CCDC85A: variants seen among roughly 807,000 people sequenced by gnomAD.
CCDC85A encodes the protein coiled-coil domain-containing protein 85A.
A neutral mutation model predicts 50.2 loss-of-function variants in CCDC85A; 38 were observed. The observed-to-expected ratio is 0.76, with a 90% CI of 0.58 to 0.99. The LOEUF is 0.99. Ranked by LOEUF, CCDC85A falls within the 50% of genes least tolerant of loss-of-function variation. The pLI, the probability that CCDC85A is intolerant of heterozygous loss-of-function variation, is 0.00. For synonymous variants in CCDC85A, 366 were observed against 301.4 expected, an observed-to-expected ratio of 1.21 and a Z score of -2.22; for missense variants, 820 against 742.0, an observed-to-expected ratio of 1.11 and a Z score of -1.22.
chr2:56,248,161 T>C (rs1380667477), intron 2 of CCDC85A, among the ~76,000 whole-genome samples: 1 of 152,260 alleles, frequency 6.6e-6, no homozygotes, highest in Non-Finnish European at 1.5e-5. Flanking sequence ...TGATAAATGC[T>C]TCTGCTCTCT....
intron 3 of CCDC85A, among the ~76,000 whole-genome samples, chr2:56,350,234 T>C (rs1456812564): frequency 2.6e-5 from 4 of 151,614 alleles, no homozygotes; most frequent in Non-Finnish European, 4.4e-5. Context: ...TGGCACTACC[T>C]TGGCTCACTG....
At chr2:56,231,305 G>A (rs187451787) in intron 2 of CCDC85A, among the ~76,000 whole-genome samples, 4 of 152,234 alleles carry the variant, frequency 2.6e-5, no homozygotes, top group South Asian at 2.1e-4. Flanking sequence ...AAGGTGCTGC[G>A]GCCTTTTATA....
intron 2 of CCDC85A, among the ~76,000 whole-genome samples, chr2:56,342,586 G>A (rs1174121241): frequency 6.6e-6 from 1 of 152,090 alleles, no homozygotes; most frequent in Non-Finnish European, 1.5e-5. Context: ...TTATTGGTTT[G>A]TAAGAGTTCT....
intron 1 of CCDC85A, among the ~76,000 whole-genome samples, chr2:56,185,921 G>A (rs1359985684): frequency 6.6e-6 from 1 of 152,202 alleles, no homozygotes; most frequent in African/African-American, 2.4e-5. Context: ...AGGGACTTCA[G>A]GGAGCAAATT....
chr2:56,333,138 A>G (rs1673898335), intron 2 of CCDC85A, among the ~76,000 whole-genome samples: 1 of 152,204 alleles, frequency 6.6e-6, no homozygotes, highest in Non-Finnish European at 1.5e-5. Context: ...AAGGTGTTGA[A>G]GTCTTTTGAT....
In CCDC85A at chr2:56,184,245, G is replaced by A. The variant is rs1675890861; in HGVS notation, c.-380G>A. On this transcript the variant is annotated 5_prime_UTR_variant, in exon 1 of 6. Coordinates refer to ENST00000407595, the MANE Select transcript of CCDC85A (RefSeq NM_001080433.2). ...TGTGTGCAGGGCAGAGAGTGCGGGGGGCGACAGTCTCGGCTTAGGGCGGAG... is the reference window on the plus strand; with the variant it reads ...TGTGTGCAGGGCAGAGAGTGCGGGGAGCGACAGTCTCGGCTTAGGGCGGAG... 4 of 952,028 alleles carry A rather than the reference G, an allele frequency of 4.2e-6. No individual in the cohort carries two copies. Among genetic ancestry groups the A allele is most frequent in the African/African-American group, 1.7e-5 (1 of 57,328 alleles). The allele number at this position is 952,028 out of a possible 1,614,324, so 59.0% of individuals were successfully genotyped here. A position where few individuals can be genotyped will look rare whatever the true frequency, so the allele number is the denominator to read the frequency against.
At chr2:56,300,154 G>A (rs1021238493) in intron 2 of CCDC85A, among the ~76,000 whole-genome samples, 4 of 152,020 alleles carry the variant, frequency 2.6e-5, no homozygotes, top group African/African-American at 7.2e-5. Flanking sequence ...GGCCTGTTAG[G>A]TTATCAATGC....
chr2:56,301,308 A>T (rs1227204007), intron 2 of CCDC85A, among the ~76,000 whole-genome samples: 12 of 152,146 alleles, frequency 7.9e-5, no homozygotes, highest in Non-Finnish European at 1.8e-4. Context: ...GAGTGTTCAG[A>T]GTCCTGTCAT....
chr2:56,369,457 A>C (rs1168470895), intron 3 of CCDC85A, among the ~76,000 whole-genome samples: 1 of 152,158 alleles, frequency 6.6e-6, no homozygotes, highest in Admixed American at 6.6e-5. Flanking sequence ...AACTAACCAG[A>C]ATCTGACCCC....
At chr2:56,338,916 G>A (rs1203313138) in intron 2 of CCDC85A, among the ~76,000 whole-genome samples, 1 of 152,078 alleles carries the variant, frequency 6.6e-6, no homozygotes, top group East Asian at 1.9e-4. Context: ...AAAACAGCCT[G>A]AGTACTCTTA....
intron 5 of CCDC85A, among the ~76,000 whole-genome samples, chr2:56,383,977 G>A (rs1173256335): frequency 1.3e-5 from 2 of 151,866 alleles, no homozygotes; most frequent in Admixed American, 1.3e-4. Context: ...AGTGCTTAGT[G>A]TGCAGTCAGA....
chr2:56,255,363 G>GGC (rs1558608438), intron 2 of CCDC85A, among the ~76,000 whole-genome samples: 25 of 152,194 alleles, frequency 1.6e-4, no homozygotes, highest in African/African-American at 5.8e-4. Flanking sequence ...GAGTCAAAAA[G>GGC]GGGGAGGTAG....
At chr2:56,322,810 T>G (rs1037503862) in intron 2 of CCDC85A, among the ~76,000 whole-genome samples, 1 of 152,054 alleles carries the variant, frequency 6.6e-6, no homozygotes, top group Admixed American at 6.6e-5. Flanking sequence ...ACCCAAAGGA[T>G]TATAAATCAT....
Position 56,192,474 on chromosome 2 carries a change from C to T in CCDC85A, c.277-3C>T. 6.2e-7 allele frequency: 1 copy of T among 1,603,422 alleles called. No individual in the cohort carries two copies. The highest frequency in any genetic ancestry group is 8.5e-7 in the Non-Finnish European group (1 of 1,174,916). Reference sequence around the variant, plus strand: ...CCTTGAATGGTTGTGTCTCTCTTTTCAGGATATCAACCAGAAACTCCAGGA... The same window carrying T: ...CCTTGAATGGTTGTGTCTCTCTTTTTAGGATATCAACCAGAAACTCCAGGA... On this transcript the variant is annotated splice_region_variant and splice_polypyrimidine_tract_variant and intron_variant, in intron 1 of 5. Transcript: ENST00000407595. The surrounding 1 kb of genome is among the most constrained non-coding windows in gnomAD (Gnocchi z 4.7).
intron 2 of CCDC85A, among the ~76,000 whole-genome samples, chr2:56,294,075 A>C (rs1327207209): frequency 6.6e-6 from 1 of 152,198 alleles, no homozygotes; most frequent in African/African-American, 2.4e-5. Flanking sequence ...TCAATGATAG[A>C]GTGGGTAAAG....
chr2:56,199,312 C>G (rs1676643472), intron 2 of CCDC85A, among the ~76,000 whole-genome samples: 1 of 152,188 alleles, frequency 6.6e-6, no homozygotes, highest in African/African-American at 2.4e-5. Flanking sequence ...ATAGATTATT[C>G]TGGAGGCAGG....
chr2:56,369,177 G>A (rs1415420727), intron 3 of CCDC85A, among the ~76,000 whole-genome samples: 1 of 152,032 alleles, frequency 6.6e-6, no homozygotes, highest in Admixed American at 6.6e-5. Context: ...AAAGAAACAC[G>A]ACAGTGTAAA....
At chr2:56,253,776 G>T (rs1489246306) in intron 2 of CCDC85A, among the ~76,000 whole-genome samples, 1 of 152,132 alleles carries the variant, frequency 6.6e-6, no homozygotes, top group African/African-American at 2.4e-5. Context: ...ACAGGAAGAA[G>T]TGTCAGGGAT....
At chr2:56,353,825 T>G (rs1675088405) in intron 3 of CCDC85A, among the ~76,000 whole-genome samples, 1 of 152,120 alleles carries the variant, frequency 6.6e-6, no homozygotes, top group African/African-American at 2.4e-5. Context: ...AGTTGCAATG[T>G]TATTTATTAG....
Sources: allele counts gnomAD v4.1 joint callset (sites outside exome capture counted in the v4.1 genomes callset), GRCh38; gene constraint gnomAD v4.1.1; non-coding constraint Gnocchi (gnomAD v3.1); transcripts MANE v1.5; gene names NCBI Gene and HGNC (gene_info 2026-07-23, HGNC 2026-07-21).